The following MGAT5B variants were observed in gnomAD, a reference collection of about 807,000 sequenced individuals.
MGAT5B encodes N-acetylglucosaminyl-transferase Vb.
MGAT5B carries 54 observed loss-of-function variants against 95.1 expected under a neutral mutation model. That is an observed-to-expected ratio of 0.57 (90% confidence interval 0.46 to 0.71). The LOEUF is 0.71. MGAT5B is among the 30% of genes least tolerant of loss of function. The pLI, the probability that MGAT5B is intolerant of heterozygous loss-of-function variation, is 0.00. For missense variants in MGAT5B, 935 were observed against 1,088.6 expected (o/e 0.86, Z 1.99); for synonymous variants, 464 against 451.0 (o/e 1.03, Z -0.36).
Position 76,918,524 on chromosome 17 carries a change from T to C in MGAT5B, c.1026-6442T>C, listed in dbSNP as rs888011249. ...GCAGGAAGAAAATGCTGCAGGACGGTGTAATTCTTTCCTCATTAGTGATCC... is the reference window on the plus strand; with the variant it reads ...GCAGGAAGAAAATGCTGCAGGACGGCGTAATTCTTTCCTCATTAGTGATCC... On this transcript the variant is annotated intron_variant, in intron 8 of 17. Transcript: ENST00000569840. This position sits in a 1 kb window ranked among gnomAD's most constrained non-coding sequence, Gnocchi z 5.1. Among the ~76,000 whole-genome samples, 4 of 152,118 alleles carry C rather than the reference T, an allele frequency of 2.6e-5. No individual in the cohort carries two copies. The highest frequency in any genetic ancestry group is 6.5e-5 in the Admixed American group (1 of 15,270).
intron 12 of MGAT5B, among the ~76,000 whole-genome samples, chr17:76,935,418 CT>C (rs983736313): frequency 1.0e-4 from 5 of 48,474 alleles, no homozygotes; most frequent in African/African-American, 3.0e-4. Flanking sequence ...GTGTGTTTAA[CT>C]TTTTTTAAAA....
rs958132965 is a variant in MGAT5B at position 76,915,231 on chromosome 17, G to A, written c.1025+9044G>A. Among the ~76,000 whole-genome samples, 1 of 152,000 alleles carries A rather than the reference G, an allele frequency of 6.6e-6. No homozygotes were observed. The highest frequency in any genetic ancestry group is 6.6e-5 in the Admixed American group (1 of 15,252). ...GAGGGAGAGAGTATTGCTGGCAGTG[G>A]CTTCAGGGGAGGGTCCCAGGAGGAG... On this transcript the variant is annotated intron_variant, in intron 8 of 17. Transcript: ENST00000569840. This position sits in a 1 kb window ranked among gnomAD's most constrained non-coding sequence, Gnocchi z 8.7.
intron 3 of MGAT5B, among the ~76,000 whole-genome samples, chr17:76,902,010 G>A (rs1192459761): frequency 6.6e-6 from 1 of 152,240 alleles, no homozygotes; most frequent in Non-Finnish European, 1.5e-5. Flanking sequence ...ACATGCAGAT[G>A]TGGGCACATG....
chr17:76,910,882 G>C, intron 8 of MGAT5B, among the ~76,000 whole-genome samples: 1 of 152,218 alleles, frequency 6.6e-6, no homozygotes, highest in Non-Finnish European at 1.5e-5. Flanking sequence ...AAACAGCTCA[G>C]CTACCTCAGG....
chr17:76,908,625 A>G (rs1296378007), intron 8 of MGAT5B, among the ~76,000 whole-genome samples: 2 of 151,892 alleles, frequency 1.3e-5, no homozygotes, highest in African/African-American at 4.8e-5. Flanking sequence ...ATGTGTACAT[A>G]TTTATGGGGA....
At chr17:76,875,653 C>CTTTTTTTTTTTT (rs547158669) in intron 2 of MGAT5B, among the ~76,000 whole-genome samples, 13 of 67,098 alleles carry the variant, frequency 1.9e-4, no homozygotes, top group East Asian at 1.3e-3. Context: ...GTCACTTGCA[C>CTTTTTTTTTTTT]TTTTTTTTTT....
intron 12 of MGAT5B, among the ~76,000 whole-genome samples, chr17:76,936,190 C>T (rs186912375): frequency 8.8e-4 from 133 of 151,894 alleles, no homozygotes; most frequent in Middle Eastern, 3.4e-3. Context: ...GGGTGGATCC[C>T]GAGGTCAGGA....
At chr17:76,920,802 C>T (rs1248210188) in intron 8 of MGAT5B, among the ~76,000 whole-genome samples, 4 of 152,178 alleles carry the variant, frequency 2.6e-5, no homozygotes, top group Non-Finnish European at 5.9e-5. Context: ...GACCAAGGCA[C>T]CTTCACCCCT....
At chr17:76,931,718 C>T (rs1414270504) in intron 10 of MGAT5B, among the ~76,000 whole-genome samples, 1 of 152,106 alleles carries the variant, frequency 6.6e-6, no homozygotes, top group African/African-American at 2.4e-5. Context: ...AGAAAAGACT[C>T]TACCAAGAGA....
chr17:76,926,372 A>G (rs1969311813), intron 9 of MGAT5B, among the ~76,000 whole-genome samples: 1 of 152,154 alleles, frequency 6.6e-6, no homozygotes, highest in African/African-American at 2.4e-5. Context: ...CCCTGAGACA[A>G]TTGGGCTGTT....
intron 15 of MGAT5B, among the ~76,000 whole-genome samples, chr17:76,942,924 G>A (rs1182623703): frequency 6.6e-6 from 1 of 152,196 alleles, no homozygotes; most frequent in Non-Finnish European, 1.5e-5. Flanking sequence ...GGGCAAGGCT[G>A]GGGAGGGGGA....
At chr17:76,936,149 T>C (rs1402686942) in intron 12 of MGAT5B, among the ~76,000 whole-genome samples, 10 of 151,908 alleles carry the variant, frequency 6.6e-5, no homozygotes, top group African/African-American at 1.5e-4. Context: ...GGCTCACGCC[T>C]GTAATCTCAG....
Position 76,949,729 on chromosome 17 carries a change from G to C in MGAT5B, c.*891G>C, listed in dbSNP as rs1293612391. On this transcript the variant is annotated 3_prime_UTR_variant, in exon 18 of 18. Coordinates refer to ENST00000569840, the MANE Select transcript of MGAT5B (RefSeq NM_001199172.2). ...GTCCAGCCTCAGAGATCAGGCTCTG[G>C]GACCCCTGCCTGGGGGGTGGCCTTC... is the stretch of plus-strand genomic sequence containing the variant. 1 of 152,138 alleles carries C rather than the reference G, an allele frequency of 6.6e-6. No individual in the cohort carries two copies. Among genetic ancestry groups the C allele is most frequent in the African/African-American group, 2.4e-5 (1 of 41,398 alleles). The allele number at this position is 152,138 out of a possible 1,614,324, so 9.4% of individuals were successfully genotyped here. A position where few individuals can be genotyped will look rare whatever the true frequency, so the allele number is the denominator to read the frequency against.
intron 2 of MGAT5B, among the ~76,000 whole-genome samples, chr17:76,878,468 C>G (rs972317988): frequency 1.3e-5 from 2 of 152,086 alleles, no homozygotes; most frequent in African/African-American, 4.8e-5. Context: ...CTCTGTATGT[C>G]CTCAGGGTTT....
At position 76,940,831 on chromosome 17, in the gene MGAT5B, G is replaced by A. The variant is rs768883119; in HGVS notation, c.1831G>A (p.Ala611Thr). 4 of 1,613,838 alleles carry A rather than the reference G, an allele frequency of 2.5e-6. No homozygotes were observed. Among genetic ancestry groups the A allele is most frequent in the African/African-American group, 1.3e-5 (1 of 74,920 alleles). Residue 611 changes from alanine (A) to threonine (T), a missense_variant, in exon 15 of 18, where the codon GCC becomes ACC. Around this residue, in one of 4 missense-constraint regions of MGAT5B, gnomAD observed 440 missense variants for 523.6 expected, o/e 0.84. Coordinates refer to ENST00000569840, the MANE Select transcript of MGAT5B (RefSeq NM_001199172.2). This position sits in a 1 kb window ranked among gnomAD's most constrained non-coding sequence, Gnocchi z 4.3. ...NSEEFEAAIK[A>T]IMRTQVDPYL... ...AGAGGAGTTTGAAGCAGCCATCAAG[G>A]CCATTATGAGAACTCAGGTGAGAGC...
intron 12 of MGAT5B, among the ~76,000 whole-genome samples, chr17:76,935,434 T>TAGTCCTACTAGCAATG (rs57826708): frequency 6.6e-6 from 1 of 151,222 alleles, no homozygotes; most frequent in South Asian, 2.1e-4. Context: ...TTAAAAGTTA[T>TAGTCCTACTAGCAATG]TACGAGGCTT....
rs1320882852 is a variant in MGAT5B, at chr17:76,917,236, A to C, written c.1026-7730A>C. 1.3e-5 allele frequency among the ~76,000 whole-genome samples: 2 copies of C among 151,804 alleles called. No homozygotes were observed. Among genetic ancestry groups the C allele is most frequent in the Non-Finnish European group, 2.9e-5 (2 of 67,964 alleles). ...CTGACTGATGAGCCAGGCAGGTCCG[A>C]ATGTTCCTCGAAGTCAGTTTCTTTG... On this transcript the variant is annotated intron_variant, in intron 8 of 17. Transcript: ENST00000569840. This position sits in a 1 kb window ranked among gnomAD's most constrained non-coding sequence, Gnocchi z 6.1.
chr17:76,945,887 G>C (rs1970012268), intron 15 of MGAT5B, among the ~76,000 whole-genome samples: 1 of 152,192 alleles, frequency 6.6e-6, no homozygotes, highest in African/African-American at 2.4e-5. Context: ...TGAGAGACAT[G>C]ACGAATACAC....
rs759848458 is a variant in MGAT5B at position 76,940,693 on chromosome 17, A to G, written c.1732-39A>G. The G allele has an allele frequency of 5.6e-6, 9 of 1,606,566 alleles. No homozygotes were observed. Among genetic ancestry groups the G allele is most frequent in the Non-Finnish European group, 7.7e-6 (9 of 1,173,876 alleles). ...CTTTCTTTGTCCCTGTCCCACTGGC[A>G]GGCACGGGGGGCATCTGCAATCTCT... On this transcript the variant is annotated intron_variant, in intron 14 of 17. Coordinates refer to ENST00000569840, the MANE Select transcript of MGAT5B (RefSeq NM_001199172.2). The surrounding 1 kb of genome is among the most constrained non-coding windows in gnomAD (Gnocchi z 4.3).
Sources: allele counts gnomAD v4.1 joint callset (sites outside exome capture counted in the v4.1 genomes callset), GRCh38; gene constraint gnomAD v4.1.1; regional missense constraint gnomAD v4.1.1; non-coding constraint Gnocchi (gnomAD v3.1); transcripts MANE v1.5; gene names NCBI Gene and HGNC (gene_info 2026-07-23, HGNC 2026-07-21).